The following KANSL1L variants were observed in gnomAD, a reference collection of about 807,000 sequenced individuals.
KANSL1L encodes KAT8 regulatory NSL complex subunit 1 like, also known as KAT8 regulatory NSL complex subunit 1-like protein.
A neutral mutation model predicts 108.6 loss-of-function variants in KANSL1L; 25 were observed. That is an observed-to-expected ratio of 0.23 (90% confidence interval 0.17 to 0.32). The LOEUF is 0.32. KANSL1L is among the 10% of genes least tolerant of loss of function. The probability of loss-of-function intolerance (pLI) is 1.00; values close to 1 mark genes in which losing one functional copy is unlikely to be tolerated. For synonymous variants in KANSL1L, 405 were observed against 395.1 expected, an observed-to-expected ratio of 1.03 and a Z score of -0.30; for missense variants, 1,137 against 1,125.7, an observed-to-expected ratio of 1.01 and a Z score of -0.14.
At chr2:210,054,230 G>A (rs868132302) in intron 6 of KANSL1L, among the ~76,000 whole-genome samples, 2 of 151,056 alleles carry the variant, frequency 1.3e-5, no homozygotes, top group Middle Eastern at 3.4e-3. Context: ...GCTGAGGCAA[G>A]AGAATGGCGT....
At chr2:210,054,585 G>A (rs2094329286) in intron 6 of KANSL1L, among the ~76,000 whole-genome samples, 1 of 152,098 alleles carries the variant, frequency 6.6e-6, no homozygotes, top group African/African-American at 2.4e-5. Flanking sequence ...TCACAAACAT[G>A]TGGACTGAAC....
At chr2:210,089,704 G>A (rs1466976658) in intron 5 of KANSL1L, among the ~76,000 whole-genome samples, 2 of 151,794 alleles carry the variant, frequency 1.3e-5, no homozygotes, top group Non-Finnish European at 2.9e-5. Flanking sequence ...TTGGGGGGAG[G>A]GGCATGGGGG....
intron 6 of KANSL1L, among the ~76,000 whole-genome samples, chr2:210,060,470 G>A (rs1334256518): frequency 6.6e-6 from 1 of 152,106 alleles, no homozygotes; most frequent in African/African-American, 2.4e-5. Flanking sequence ...AATGGCTTGT[G>A]GATTACATGC....
At chr2:210,063,030 A>C (rs975349690) in intron 6 of KANSL1L, among the ~76,000 whole-genome samples, 18 of 152,050 alleles carry the variant, frequency 1.2e-4, no homozygotes. Flanking sequence ...TAGGAAGAAA[A>C]AGTGATTTTG....
At chr2:210,137,927 AG>A (rs2095189648) in intron 2 of KANSL1L, among the ~76,000 whole-genome samples, 1 of 152,144 alleles carries the variant, frequency 6.6e-6, no homozygotes, top group African/African-American at 2.4e-5. Flanking sequence ...GATACTTGGG[AG>A]GCTGAGTTAA....
chr2:210,056,760 T>G (rs1464565411), intron 6 of KANSL1L, among the ~76,000 whole-genome samples: 1 of 152,186 alleles, frequency 6.6e-6, no homozygotes, highest in Non-Finnish European at 1.5e-5. Flanking sequence ...ATTACAGCCA[T>G]GAGCCATCGT....
intron 2 of KANSL1L, among the ~76,000 whole-genome samples, chr2:210,143,641 C>T (rs983358307): frequency 6.6e-6 from 1 of 151,828 alleles, no homozygotes; most frequent in Non-Finnish European, 1.5e-5. Flanking sequence ...TAGGTTTTTG[C>T]TTTGTGGTTA....
At chr2:210,149,512 C>T (rs2095287635) in intron 2 of KANSL1L, among the ~76,000 whole-genome samples, 1 of 152,012 alleles carries the variant, frequency 6.6e-6, no homozygotes, top group African/African-American at 2.4e-5. Flanking sequence ...AAGTTTCACT[C>T]TGAACTTTAT....
At chr2:210,087,295 A>T (rs78846987) in intron 5 of KANSL1L, among the ~76,000 whole-genome samples, 2,270 of 152,254 alleles carry the variant, frequency 0.015, 69 homozygotes, top group African/African-American at 0.052. Flanking sequence ...TGGAATTAAC[A>T]GGCATGAGCC....
chr2:210,131,011 G>A (rs759120782), intron 2 of KANSL1L, among the ~76,000 whole-genome samples: 20 of 152,092 alleles, frequency 1.3e-4, no homozygotes, highest in Non-Finnish European at 2.9e-4. Context: ...CACTTCCCAG[G>A]CTTATGCATT....
chr2:210,066,757 T>C (rs1179827142), intron 6 of KANSL1L, among the ~76,000 whole-genome samples: 3 of 152,348 alleles, frequency 2.0e-5, no homozygotes, highest in Admixed American at 1.3e-4. Flanking sequence ...TCCTTTTTAT[T>C]GCTGTATAAA....
upstream of KANSL1L, among the ~76,000 whole-genome samples, chr2:210,172,102 G>A (rs766242044): frequency 6.6e-6 from 1 of 152,060 alleles, no homozygotes; most frequent in Non-Finnish European, 1.5e-5. Flanking sequence ...AACAAACGGA[G>A]TTTATGTGGA....
chr2:210,103,972 A>G lies in KANSL1L; in HGVS notation c.1428+132T>C, dbSNP rs1294655434. On this transcript the variant is annotated intron_variant, in intron 4 of 14. Transcript: ENST00000281772. ...GTCATATGTCAAATATTTTAATTGT[A>G]TTTAATGCCAGATGGCCTAGTTTAA... 7.9e-6 allele frequency: 5 copies of G among 633,632 alleles called. No individual in the cohort carries two copies. The East Asian group carries it at 8.3e-5, about 11-fold the overall frequency. 39.3% of individuals were successfully genotyped at this position (633,632 alleles called of 1,614,324 possible). A position where few individuals can be genotyped will look rare whatever the true frequency, so the allele number is the denominator to read the frequency against.
intron 1 of KANSL1L, chr2:210,170,434 C>T: frequency 1.0e-6 from 1 of 970,156 alleles, no homozygotes; most frequent in Non-Finnish European, 1.2e-6. Context: ...GACTGCAAAG[C>T]CAGCCTCTTT....
At chr2:210,158,050 T>C (rs1482801564) in intron 1 of KANSL1L, among the ~76,000 whole-genome samples, 1 of 152,218 alleles carries the variant, frequency 6.6e-6, no homozygotes, top group African/African-American at 2.4e-5. Context: ...GGGTGAGATC[T>C]CTAGGGCTTA....
intron 6 of KANSL1L, among the ~76,000 whole-genome samples, chr2:210,051,842 T>G (rs1361935061): frequency 6.6e-6 from 1 of 152,144 alleles, no homozygotes; most frequent in Non-Finnish European, 1.5e-5. Context: ...GTGGGCCTTA[T>G]CAAACTGAAG....
chr2:210,067,467 G>C (rs1160757698), intron 6 of KANSL1L, among the ~76,000 whole-genome samples: 3 of 152,044 alleles, frequency 2.0e-5, no homozygotes, highest in Admixed American at 2.0e-4. Context: ...GAGAGGCCAA[G>C]GTGGGCAGAT....
intron 6 of KANSL1L, among the ~76,000 whole-genome samples, chr2:210,070,422 G>T (rs980412247): frequency 5.3e-5 from 8 of 151,146 alleles, no homozygotes; most frequent in African/African-American, 1.9e-4. Context: ...AGTAGAGATG[G>T]GGTTTCACCA....
intron 6 of KANSL1L, chr2:210,064,156 T>G (rs1436006686): frequency 6.6e-6 from 1 of 152,236 alleles, no homozygotes; most frequent in African/African-American, 2.4e-5. Flanking sequence ...AGACATGACT[T>G]GCTCCTCCTT....
Sources: allele counts gnomAD v4.1 joint callset (sites outside exome capture counted in the v4.1 genomes callset), GRCh38; gene constraint gnomAD v4.1.1; transcripts MANE v1.5; gene names NCBI Gene and HGNC (gene_info 2026-07-23, HGNC 2026-07-21).